Variants in INPP4B observed in about 807,000 individuals in gnomAD.
The protein encoded by INPP4B is inositol polyphosphate 4-phosphatase type II.
In INPP4B, 55 loss-of-function variants were observed where a neutral mutation model predicts 122.5. The ratio of observed to expected loss-of-function variants is 0.45; its 90% CI spans 0.36 to 0.56. The LOEUF is 0.56. Ranked by LOEUF, INPP4B falls within the 20% of genes least tolerant of loss-of-function variation. The pLI is 0.00. For missense variants in INPP4B, 1,000 were observed against 1,097.7 expected (o/e 0.91, Z 1.26); for synonymous variants, 403 against 388.7 (o/e 1.04, Z -0.43).
intron 25 of INPP4B, among the ~76,000 whole-genome samples, chr4:142,035,210 T>G (rs1477989725): frequency 2.0e-5 from 3 of 152,188 alleles, no homozygotes; most frequent in Non-Finnish European, 4.4e-5. Flanking sequence ...CTTCAGATTC[T>G]ACCTGGCCTC....
chr4:142,841,912 T>G (rs1783543665), intron 1 of INPP4B, among the ~76,000 whole-genome samples: 1 of 151,846 alleles, frequency 6.6e-6, no homozygotes, highest in Non-Finnish European at 1.5e-5. Flanking sequence ...TCACCATTGT[T>G]TTTTGTATTG....
At chr4:142,809,376 A>T (rs920674549) in intron 1 of INPP4B, among the ~76,000 whole-genome samples, 4 of 152,170 alleles carry the variant, frequency 2.6e-5, no homozygotes, top group African/African-American at 9.7e-5. Flanking sequence ...CCTAGTAATT[A>T]ATTTTCATTT....
intron 2 of INPP4B, among the ~76,000 whole-genome samples, chr4:142,674,007 A>T (rs529139501): frequency 6.6e-6 from 1 of 152,152 alleles, no homozygotes; most frequent in East Asian, 1.9e-4. Context: ...TAGATGGCAG[A>T]TGGGAGCTGC....
intron 1 of INPP4B, among the ~76,000 whole-genome samples, chr4:142,735,881 C>T (rs1766793390): frequency 6.7e-6 from 1 of 150,310 alleles, no homozygotes; most frequent in African/African-American, 2.5e-5. Context: ...TTATTATCGC[C>T]TAGGAGTTTA....
chr4:142,085,963 T>A (rs558409647), intron 24 of INPP4B, among the ~76,000 whole-genome samples, 181 bp downstream of exon 24: 12 of 152,198 alleles, frequency 7.9e-5, no homozygotes, highest in Non-Finnish European at 1.5e-4. Flanking sequence ...TCTTCTTCTA[T>A]CTTATGTTCT....
intron 3 of INPP4B, among the ~76,000 whole-genome samples, chr4:142,456,852 C>T (rs77664868): frequency 0.04 from 6,134 of 151,928 alleles, 166 homozygotes; most frequent in Middle Eastern, 0.078. Context: ...TAATTCTAAA[C>T]CATATATGGA....
Position 142,023,608 on chromosome 4 carries a change from T to C in INPP4B, c.*5174A>G, listed in dbSNP as rs1736134393. ...ATAATATAGCAATATTGCCAAAATT[T>C]GAGTCAATGTTACCTGTGAGTGCAA... On this transcript the variant is annotated 3_prime_UTR_variant, in exon 26 of 26. Transcript: ENST00000262992. 1 of 152,196 alleles carries C rather than the reference T, an allele frequency of 6.6e-6. No individual in the cohort carries two copies. The highest frequency in any genetic ancestry group is 1.9e-4 in the East Asian group (1 of 5,200). The allele number at this position is 152,196 out of a possible 1,614,324, so 9.4% of individuals were successfully genotyped here. A position where few individuals can be genotyped will look rare whatever the true frequency, so the allele number is the denominator to read the frequency against.
intron 25 of INPP4B, among the ~76,000 whole-genome samples, chr4:142,049,542 A>G (rs1292911145): frequency 6.6e-6 from 1 of 152,060 alleles, no homozygotes; most frequent in Non-Finnish European, 1.5e-5. Flanking sequence ...TGGCTTTGAC[A>G]AGCAAGTAGT....
At chr4:142,245,239 T>C (rs1727352661) in intron 11 of INPP4B, among the ~76,000 whole-genome samples, 1 of 152,212 alleles carries the variant, frequency 6.6e-6, no homozygotes. Context: ...TTTGTCAATT[T>C]TGGCTTTGGT....
intron 12 of INPP4B, among the ~76,000 whole-genome samples, chr4:142,230,541 G>A (rs1038134120): frequency 6.6e-6 from 1 of 150,522 alleles, no homozygotes; most frequent in Non-Finnish European, 1.5e-5. Flanking sequence ...GCTACTTGGA[G>A]GTTGAGGTAG....
intron 1 of INPP4B, among the ~76,000 whole-genome samples, chr4:142,785,570 G>A (rs540802512): frequency 6.6e-6 from 1 of 152,040 alleles, no homozygotes; most frequent in African/African-American, 2.4e-5. Context: ...AAGTAGACTG[G>A]CATGGTTGTG....
At chr4:142,751,285 A>T (rs78220817) in intron 1 of INPP4B, among the ~76,000 whole-genome samples, 1 of 50,200 alleles carries the variant, frequency 2.0e-5, no homozygotes, top group African/African-American at 1.7e-4. Context: ...AACTGTGTCA[A>T]AAAAAAAAAA....
intron 15 of INPP4B, among the ~76,000 whole-genome samples, chr4:142,192,294 A>C (rs1267272640): frequency 1.5e-5 from 2 of 136,858 alleles, no homozygotes; most frequent in Non-Finnish European, 3.2e-5. Context: ...AAAAAAAAGA[A>C]AGAAAAAAAC....
At chr4:142,331,087 A>G (rs1162023586) in intron 7 of INPP4B, among the ~76,000 whole-genome samples, 1 of 152,218 alleles carries the variant, frequency 6.6e-6, no homozygotes, top group African/African-American at 2.4e-5. Context: ...ATAAAACCAC[A>G]GGCAAGGAAA....
chr4:142,193,053 A>G, intron 15 of INPP4B, 34 bp downstream of exon 15: 1 of 1,284,466 alleles, frequency 7.8e-7, no homozygotes, highest in Non-Finnish European at 1.1e-6. Flanking sequence ...GATGTTATTA[A>G]TGGAATCTGT....
chr4:142,724,649 G>A (rs914180037), intron 2 of INPP4B, among the ~76,000 whole-genome samples: 2 of 152,072 alleles, frequency 1.3e-5, no homozygotes, highest in Non-Finnish European at 2.9e-5. Context: ...TTTCAGTATA[G>A]ATAAAACTTG....
At chr4:142,263,926 A>G (rs1458346493) in intron 10 of INPP4B, among the ~76,000 whole-genome samples, 7 of 151,898 alleles carry the variant, frequency 4.6e-5, no homozygotes, top group African/African-American at 1.7e-4. Context: ...AATGTTCAGG[A>G]ACAACAAGGA....
chr4:142,213,935 G>A (rs1321514783), intron 12 of INPP4B, among the ~76,000 whole-genome samples: 1 of 152,184 alleles, frequency 6.6e-6, no homozygotes, highest in Non-Finnish European at 1.5e-5. Context: ...AACCATCGGT[G>A]CAGTAGGACA....
intron 22 of INPP4B, 23 bp downstream of exon 22, chr4:142,112,519 G>A (rs771604199): frequency 6.2e-7 from 1 of 1,611,004 alleles, no homozygotes; most frequent in African/African-American, 1.3e-5. Context: ...AATCTCAAGT[G>A]CGACTCTTAC....
Sources: allele counts gnomAD v4.1 joint callset (sites outside exome capture counted in the v4.1 genomes callset), GRCh38; gene constraint gnomAD v4.1.1; transcripts MANE v1.5; gene names NCBI Gene and HGNC (gene_info 2026-07-23, HGNC 2026-07-21).